CLASP2: variants seen among roughly 807,000 people sequenced by gnomAD.
CLASP2 encodes the protein CLIP-associating protein 2.
A neutral mutation model predicts 194.4 loss-of-function variants in CLASP2; 47 were observed. The ratio of observed to expected loss-of-function variants is 0.24; its 90% CI spans 0.19 to 0.31. The LOEUF (loss-of-function observed/expected upper bound fraction) is 0.31. Ranked by LOEUF, CLASP2 falls within the 10% of genes least tolerant of loss-of-function variation. The pLI is 1.00. For missense variants in CLASP2, 1,445 were observed against 1,823.6 expected (o/e 0.79, Z 3.78); for synonymous variants, 619 against 633.5 (o/e 0.98, Z 0.34).
chr3:33,511,429 T>C (rs1402233765), intron 36 of CLASP2, among the ~76,000 whole-genome samples: 1 of 152,158 alleles, frequency 6.6e-6, no homozygotes, highest in Non-Finnish European at 1.5e-5. Context: ...TGGAGTCCCC[T>C]GCATAAGCCA....
chr3:33,717,112 G>A (rs2093333492), intron 1 of CLASP2, among the ~76,000 whole-genome samples: 1 of 152,100 alleles, frequency 6.6e-6, no homozygotes, highest in Non-Finnish European at 1.5e-5. Flanking sequence ...CCTCATCTTT[G>A]TAACTTTTTC....
At chr3:33,624,401 A>G (rs2077633119) in intron 10 of CLASP2, among the ~76,000 whole-genome samples, 1 of 152,150 alleles carries the variant, frequency 6.6e-6, no homozygotes, top group South Asian at 2.1e-4. Context: ...AATTATAACT[A>G]AAAACAAAAT....
At chr3:33,650,471 A>G (rs2082989785) in intron 7 of CLASP2, among the ~76,000 whole-genome samples, 1 of 152,238 alleles carries the variant, frequency 6.6e-6, no homozygotes, top group Non-Finnish European at 1.5e-5. Context: ...CAAGATAAGC[A>G]TATTAAAATA....
At chr3:33,612,138 C>A in intron 12 of CLASP2, 67 bp from the exon 13 acceptor site, 1 of 949,104 alleles carries the variant, frequency 1.1e-6, no homozygotes, top group Non-Finnish European at 1.6e-6. Context: ...CTTCTATTTG[C>A]CTTACATTCA....
intron 8 of CLASP2, among the ~76,000 whole-genome samples, chr3:33,634,665 C>G (rs1291622107): frequency 6.6e-6 from 1 of 152,160 alleles, no homozygotes; most frequent in Non-Finnish European, 1.5e-5. Flanking sequence ...TTGAAAATTG[C>G]TGAGAGATTT....
chr3:33,614,249 T>C (rs962960296), intron 12 of CLASP2, among the ~76,000 whole-genome samples: 1 of 152,098 alleles, frequency 6.6e-6, no homozygotes, highest in African/African-American at 2.4e-5. Context: ...AATCACAAAA[T>C]GGGTACTTTC....
At chr3:33,528,848 T>A (rs112427822) in intron 34 of CLASP2, among the ~76,000 whole-genome samples, 2,679 of 152,016 alleles carry the variant, frequency 0.018, 72 homozygotes, top group African/African-American at 0.061. Flanking sequence ...GATAGACAGA[T>A]AAAGGGCCTC....
At chr3:33,711,272 A>G (rs2092993119) in intron 1 of CLASP2, among the ~76,000 whole-genome samples, 2 of 148,540 alleles carry the variant, frequency 1.3e-5, no homozygotes, top group Non-Finnish European at 3.0e-5. Flanking sequence ...TTGAGACGAA[A>G]TCTCATTCTC....
intron 37 of CLASP2, 148 bp downstream of exon 37, chr3:33,510,410 T>TG: frequency 1.4e-6 from 1 of 696,738 alleles, no homozygotes; most frequent in South Asian, 1.9e-5. Flanking sequence ...TATAACCCCC[T>TG]GGCTAGTTAT....
chr3:33,629,967 G>A (rs1163790254), intron 9 of CLASP2, among the ~76,000 whole-genome samples: 1 of 152,046 alleles, frequency 6.6e-6, no homozygotes, highest in Non-Finnish European at 1.5e-5. Context: ...ATGGACTGAC[G>A]ATCCTTGAAA....
intron 10 of CLASP2, among the ~76,000 whole-genome samples, chr3:33,625,967 TAAGTA>T (rs1172060789): frequency 6.6e-6 from 1 of 152,090 alleles, no homozygotes; most frequent in African/African-American, 2.4e-5. Context: ...AAAAAACCCT[TAAGTA>T]AAAAGTTCAC....
chr3:33,589,683 TTA>T (rs2068260395), intron 21 of CLASP2, among the ~76,000 whole-genome samples: 1 of 152,102 alleles, frequency 6.6e-6, no homozygotes, highest in African/African-American at 2.4e-5. Flanking sequence ...TTTTCACAAT[TTA>T]GGAGAAGATG....
chr3:33,697,041 T>A (rs74331970), intron 1 of CLASP2, 108 bp from the exon 2 acceptor site: 13 of 682,214 alleles, frequency 1.9e-5, no homozygotes, highest in South Asian at 7.9e-5. Context: ...TTACATTTTT[T>A]AAAAATGAGA....
intron 9 of CLASP2, among the ~76,000 whole-genome samples, chr3:33,629,734 CCA>C (rs1197244402): frequency 1.3e-5 from 2 of 151,122 alleles, no homozygotes; most frequent in Non-Finnish European, 2.9e-5. Context: ...TTGGGAATAT[CCA>C]CAGTTGTAGT....
chr3:33,559,504 T>C, intron 28 of CLASP2, 119 bp from the exon 29 acceptor site: 1 of 646,572 alleles, frequency 1.5e-6, no homozygotes, highest in Non-Finnish European at 2.7e-6. Context: ...CATGAAGTAG[T>C]ATCTGCATGT....
chr3:33,696,978 T>A (rs761530098), intron 1 of CLASP2, 45 bp from the exon 2 acceptor site: 1 of 962,332 alleles, frequency 1.0e-6, no homozygotes, highest in Non-Finnish European at 1.6e-6. Context: ...TACTGATGCA[T>A]ACTTTAATAT....
At chr3:33,572,612 C>T (rs958261686) in intron 25 of CLASP2, among the ~76,000 whole-genome samples, 9 of 151,912 alleles carry the variant, frequency 5.9e-5, no homozygotes, top group African/African-American at 1.7e-4. Context: ...GAAACAAAAC[C>T]CCAAACCCAA....
At chr3:33,570,535 C>A (rs1393065390) in intron 26 of CLASP2, among the ~76,000 whole-genome samples, 192 bp downstream of exon 26, 8 of 152,120 alleles carry the variant, frequency 5.3e-5, no homozygotes, top group Admixed American at 2.0e-4. Context: ...GACCATCTAT[C>A]ATTGGAGAAG....
chr3:33,697,811 A>C (rs939745958), intron 1 of CLASP2, among the ~76,000 whole-genome samples: 6 of 152,202 alleles, frequency 3.9e-5, no homozygotes, highest in African/African-American at 1.4e-4. Context: ...CCTGAAATCT[A>C]AACAAAGACA....
Sources: gnomAD v4.1 joint callset for allele counts (sites outside exome capture counted in the v4.1 genomes callset) on GRCh38, gnomAD v4.1.1 for gene constraint, MANE v1.5 for transcripts, NCBI Gene and HGNC (gene_info 2026-07-23, HGNC 2026-07-21) for gene names.